KCNAB1: variants seen among roughly 807,000 people sequenced by gnomAD.
KCNAB1 encodes voltage-gated potassium channel subunit beta-1.
Under a neutral mutation model 64.6 loss-of-function variants are expected in KCNAB1, and 35 were observed. The ratio of observed to expected loss-of-function variants is 0.54; its 90% CI spans 0.41 to 0.72. The LOEUF (loss-of-function observed/expected upper bound fraction) is 0.72, where lower values mean the gene tolerates loss of function less well. Among genes scored for constraint, KCNAB1 ranks in the 30% least tolerant of loss-of-function variants. The pLI is 0.00. For synonymous variants in KCNAB1, 177 were observed against 183.8 expected (o/e 0.96, Z 0.30); for missense variants, 401 against 512.9 (o/e 0.78, Z 2.11).
intron 1 of KCNAB1, among the ~76,000 whole-genome samples, chr3:156,239,691 C>T (rs1188944004): frequency 2.0e-5 from 3 of 152,192 alleles, no homozygotes; most frequent in Admixed American, 6.5e-5. Flanking sequence ...TAATTATATC[C>T]TACCATTTAT....
At chr3:156,398,804 G>A (rs901525869) in intron 1 of KCNAB1, among the ~76,000 whole-genome samples, 2 of 130,956 alleles carry the variant, frequency 1.5e-5, no homozygotes, top group Admixed American at 1.4e-4. Flanking sequence ...AAACATGAGT[G>A]CTCCAAATAT....
chr3:156,397,865 T>C (rs1024143890), intron 1 of KCNAB1, among the ~76,000 whole-genome samples: 3 of 152,210 alleles, frequency 2.0e-5, no homozygotes, highest in Non-Finnish European at 4.4e-5. Flanking sequence ...TTTACATAAA[T>C]ATATTTATTC....
chr3:156,417,214 TA>T (rs968874153), intron 1 of KCNAB1, among the ~76,000 whole-genome samples: 1 of 152,038 alleles, frequency 6.6e-6, no homozygotes, highest in East Asian at 1.9e-4. Flanking sequence ...GTGCATTTCT[TA>T]AAAAAAACAA....
intron 1 of KCNAB1, among the ~76,000 whole-genome samples, chr3:156,182,175 A>G (rs1394226695): frequency 6.6e-6 from 1 of 152,154 alleles, no homozygotes; most frequent in Admixed American, 6.6e-5. Flanking sequence ...CTCACTCATC[A>G]TAAGTCTAAT....
Position 156,538,212 on chromosome 3 carries a change from C to T in KCNAB1, c.*1465C>T, listed in dbSNP as rs1460356949. 2.0e-5 allele frequency: 3 copies of T among 151,234 alleles called. No individual in the cohort carries two copies. The highest frequency in any genetic ancestry group is 7.3e-5 in the African/African-American group (3 of 41,074). 9.4% of individuals were successfully genotyped at this position (151,234 alleles called of 1,614,324 possible). A position where few individuals can be genotyped will look rare whatever the true frequency, so the allele number is the denominator to read the frequency against. Reference sequence around the variant, plus strand: ...CTCTATTTGGCTATCTGAGGATGTACAAAATTCTCATTTAATTTTCTGGTC... The same window carrying T: ...CTCTATTTGGCTATCTGAGGATGTATAAAATTCTCATTTAATTTTCTGGTC... On this transcript the variant is annotated 3_prime_UTR_variant, in exon 14 of 14. Coordinates refer to ENST00000490337, the MANE Select transcript of KCNAB1 (RefSeq NM_172160.3).
At chr3:156,175,850 C>T (rs999517093) in intron 1 of KCNAB1, 9 of 686,058 alleles carry the variant, frequency 1.3e-5, no homozygotes, top group Non-Finnish European at 2.2e-5. Flanking sequence ...GCCTTGGAGT[C>T]TTCCATTCCA....
intron 1 of KCNAB1, among the ~76,000 whole-genome samples, chr3:156,396,736 C>T (rs1713492802): frequency 6.6e-6 from 1 of 152,204 alleles, no homozygotes; most frequent in African/African-American, 2.4e-5. Context: ...CATTTTTCAA[C>T]ATTTCCAATG....
At chr3:156,389,858 A>G (rs927969055) in intron 1 of KCNAB1, among the ~76,000 whole-genome samples, 2 of 152,216 alleles carry the variant, frequency 1.3e-5, no homozygotes, top group African/African-American at 2.4e-5. Flanking sequence ...GTTTTTGTAA[A>G]TAAAGCTTTA....
chr3:156,209,531 C>G (rs1234609368), intron 1 of KCNAB1, among the ~76,000 whole-genome samples: 1 of 152,148 alleles, frequency 6.6e-6, no homozygotes, highest in Non-Finnish European at 1.5e-5. Flanking sequence ...ACATTAAAGA[C>G]AGGTGTTATG....
intron 1 of KCNAB1, among the ~76,000 whole-genome samples, chr3:156,144,022 A>G (rs1441252188): frequency 2.0e-5 from 3 of 152,114 alleles, no homozygotes; most frequent in African/African-American, 7.2e-5. Flanking sequence ...AAAGATTAAC[A>G]AAAAGGAGAA....
At chr3:156,491,683 T>G (rs1715640814) in intron 8 of KCNAB1, among the ~76,000 whole-genome samples, 1 of 152,158 alleles carries the variant, frequency 6.6e-6, no homozygotes, top group African/African-American at 2.4e-5. Flanking sequence ...TTTATGCCTA[T>G]ATTCATAAAA....
intron 1 of KCNAB1, among the ~76,000 whole-genome samples, chr3:156,196,795 C>A (rs1004867451): frequency 3.9e-5 from 6 of 152,138 alleles, no homozygotes; most frequent in Admixed American, 2.6e-4. Context: ...TGCTTTATTT[C>A]TTTCCCTTGC....
chr3:156,502,573 C>G (rs977146332), intron 8 of KCNAB1, among the ~76,000 whole-genome samples: 4 of 139,878 alleles, frequency 2.9e-5, no homozygotes, highest in South Asian at 4.7e-4. Flanking sequence ...CACACACACA[C>G]AAATTCAAGA....
In KCNAB1 at chr3:156,422,980, C is replaced by T. The variant is rs992958363; in HGVS notation, c.319+1321C>T. ...ATCCCGTCAAGTGGTGCTCATGCATCAAGCAAGATGGGGACCAAGAATTGA... is the reference window on the plus strand; with the variant it reads ...ATCCCGTCAAGTGGTGCTCATGCATTAAGCAAGATGGGGACCAAGAATTGA... On this transcript the variant is annotated intron_variant, in intron 2 of 13. Coordinates refer to ENST00000490337, the MANE Select transcript of KCNAB1 (RefSeq NM_172160.3). 3.1e-4 allele frequency among the ~76,000 whole-genome samples: 47 copies of T among 152,178 alleles called. 1 individual carries two copies. The highest frequency in any genetic ancestry group is 5.9e-5 in the Non-Finnish European group (4 of 68,042).
intron 2 of KCNAB1, among the ~76,000 whole-genome samples, chr3:156,427,488 T>C (rs1715897165): frequency 6.6e-6 from 1 of 152,224 alleles, no homozygotes; most frequent in Admixed American, 6.5e-5. Flanking sequence ...TATTGCACTT[T>C]AGCAGATCAC....
chr3:156,341,072 AT>A (rs1362777948), intron 1 of KCNAB1, among the ~76,000 whole-genome samples: 4 of 152,218 alleles, frequency 2.6e-5, no homozygotes, highest in Non-Finnish European at 5.9e-5. Context: ...ACATTTAAGT[AT>A]TTTTATGGCA....
intron 1 of KCNAB1, among the ~76,000 whole-genome samples, chr3:156,248,053 T>C (rs1717572585): frequency 6.6e-6 from 1 of 152,202 alleles, no homozygotes; most frequent in Non-Finnish European, 1.5e-5. Flanking sequence ...TTCTTTTATC[T>C]CCCCAGTTCA....
rs558573886 is a variant in KCNAB1, at chr3:156,364,792, A to C, written c.276-56824A>C. Among the ~76,000 whole-genome samples, 309 of 152,268 alleles carry C rather than the reference A, an allele frequency of 2.0e-3. 5 individuals are homozygous for C. The highest frequency in any genetic ancestry group is 4.8e-3 in the African/African-American group (199 of 41,558). ...AAACTCCATCTCCAAAAACAACAAA[A>C]AAACAAACAAACAAAAAAAACACCT... is the stretch of plus-strand genomic sequence containing the variant. On this transcript the variant is annotated intron_variant, in intron 1 of 13. Coordinates refer to ENST00000490337, the MANE Select transcript of KCNAB1 (RefSeq NM_172160.3).
chr3:156,498,807 A>G (rs1716185221), intron 8 of KCNAB1, among the ~76,000 whole-genome samples: 2 of 152,262 alleles, frequency 1.3e-5, no homozygotes, highest in African/African-American at 2.4e-5. Context: ...TGCTGCAGAC[A>G]AGAGCAGAGC....
Sources: allele counts gnomAD v4.1 joint callset (sites outside exome capture counted in the v4.1 genomes callset), GRCh38; gene constraint gnomAD v4.1.1; transcripts MANE v1.5; gene names NCBI Gene and HGNC (gene_info 2026-07-23, HGNC 2026-07-21).